Variants in TCOF1 observed in about 807,000 individuals in gnomAD.
TCOF1 encodes the protein treacle protein.
In TCOF1, 33 loss-of-function variants were observed where a neutral mutation model predicts 149.0. The ratio of observed to expected loss-of-function variants is 0.22; its 90% confidence interval spans 0.17 to 0.30. The LOEUF (loss-of-function observed/expected upper bound fraction) is 0.30. TCOF1 is among the 10% of genes least tolerant of loss of function. The probability of loss-of-function intolerance (pLI) is 1.00; values close to 1 mark genes in which losing one functional copy is unlikely to be tolerated. For missense variants in TCOF1, 1,728 were observed against 1,840.7 expected (o/e 0.94, Z 1.12); for synonymous variants, 789 against 738.8 (o/e 1.07, Z -1.10).
chr5:150,367,797 T>A, intron 3 of TCOF1, 47 bp from the exon 4 acceptor site: 2 of 1,607,104 alleles, frequency 1.2e-6, no homozygotes, highest in Non-Finnish European at 1.7e-6. Context: ...CATTCATAGA[T>A]GAGAAAAGCT....
intron 17 of TCOF1, chr5:150,384,479 T>C: frequency 1.0e-6 from 1 of 985,458 alleles, no homozygotes; most frequent in Non-Finnish European, 1.2e-6. Context: ...GACACTCTCC[T>C]CTCCTGGGCT....
Position 150,369,558 on chromosome 5 carries a change from T to G in TCOF1, c.595T>G (p.Ser199Ala). Residue 199 changes from serine (S) to alanine (A), a missense_variant, in exon 6 of 27, where the codon TCC (serine) becomes GCC (alanine). By Grantham distance (99) the Ser-to-Ala change is moderately conservative. Around this residue, in one of 2 missense-constraint regions of TCOF1, gnomAD observed 1,696 missense variants for 1,765.4 expected, o/e 0.96. Transcript: ENST00000643257. Reference protein sequence around the residue: ...GMVSAGQADSSSEDTSSSSDE... With the variant: ...GMVSAGQADSASEDTSSSSDE... Reference sequence around the variant, plus strand: ...GGTGTCAGCGGGCCAGGCCGACAGCTCCAGCGAGGACACCTCCAGCTCCAG... The same window carrying G: ...GGTGTCAGCGGGCCAGGCCGACAGCGCCAGCGAGGACACCTCCAGCTCCAG... 1 of 1,614,056 alleles carries G rather than the reference T, an allele frequency of 6.2e-7. No homozygotes were observed. The highest frequency in any genetic ancestry group is 8.5e-7 in the Non-Finnish European group (1 of 1,179,998).
At chr5:150,369,968 G>A (rs1402219865) in intron 6 of TCOF1, among the ~76,000 whole-genome samples, 1 of 152,192 alleles carries the variant, frequency 6.6e-6, no homozygotes, top group African/African-American at 2.4e-5. Context: ...GGGCCCAGAG[G>A]CAACAGTGTG....
chr5:150,362,009 G>C (rs767533753), intron 2 of TCOF1, among the ~76,000 whole-genome samples: 1 of 152,190 alleles, frequency 6.6e-6, no homozygotes, highest in Non-Finnish European at 1.5e-5. Flanking sequence ...GGTCACCATC[G>C]TCCAGGCAAG....
At position 150,396,268 on chromosome 5, in the gene TCOF1, TTC is replaced by T; in HGVS notation, c.3785-7_3785-6del. ...ACTCTCCCAGATCTGTGACCCCACATTCTCTCTCCATAGGTGGAAAAGAGGCT... is the reference window on the plus strand; with the variant it reads ...ACTCTCCCAGATCTGTGACCCCACATTCTCTCCATAGGTGGAAAAGAGGCT... On this transcript the variant is annotated splice_polypyrimidine_tract_variant and intron_variant, in intron 23 of 26. Transcript: ENST00000643257. 1.2e-6 allele frequency: 2 copies of T among 1,613,998 alleles called. No individual in the cohort carries two copies. The highest frequency in any genetic ancestry group is 1.7e-6 in the Non-Finnish European group (2 of 1,179,990).
At chr5:150,372,530 A>G (rs1272076487) in intron 7 of TCOF1, among the ~76,000 whole-genome samples, 1 of 152,242 alleles carries the variant, frequency 6.6e-6, no homozygotes, top group African/African-American at 2.4e-5. Flanking sequence ...TTCTCAGGAC[A>G]AACCAGACCC....
intron 6 of TCOF1, 150 bp from the exon 7 acceptor site, chr5:150,371,856 G>T: frequency 1.4e-6 from 1 of 733,496 alleles, no homozygotes; most frequent in Non-Finnish European, 2.4e-6. Context: ...TCTGGAAAAT[G>T]GATCTAAAGC....
chr5:150,375,491 C>G lies in TCOF1; in HGVS notation c.1641C>G (p.Ser547Arg). 4 of 1,614,156 alleles carry G rather than the reference C, an allele frequency of 2.5e-6. No individual in the cohort carries two copies. Among genetic ancestry groups the G allele is most frequent in the Non-Finnish European group, 3.4e-6 (4 of 1,180,006 alleles). ...GGAAGTGGGAGGAGGACTCAGAGAG[C>G]AGTAGTGAGGAGTCATCAGACAGCA... ...QVGKWEEDSE[S>R]SSEESSDSSD... Residue 547 changes from serine (S) to arginine (R), a missense_variant, in exon 11 of 27, where the codon AGC (serine) becomes AGG (arginine). By Grantham distance (110) the Ser-to-Arg change is moderately radical (BLOSUM62 -1). Coordinates refer to ENST00000643257, the MANE Select transcript of TCOF1 (RefSeq NM_001371623.1).
intron 17 of TCOF1, chr5:150,383,121 G>A (rs151344575): frequency 6.5e-7 from 1 of 1,536,078 alleles, no homozygotes; most frequent in Non-Finnish European, 8.7e-7. Flanking sequence ...CCCCAGAGAG[G>A]AACACGGAGG....
chr5:150,364,984 AGGT>A (rs1219435755), intron 3 of TCOF1: 1 of 152,322 alleles, frequency 6.6e-6, no homozygotes, highest in Non-Finnish European at 1.5e-5. Flanking sequence ...CCTCTTGAGT[AGGT>A]GGAATTCCAT....
Position 150,391,962 on chromosome 5 carries a change from C to G in TCOF1, c.3303C>G (p.Asp1101Glu). The G allele has an allele frequency of 6.2e-7, 1 of 1,614,154 alleles. No homozygotes were observed. Among genetic ancestry groups the G allele is most frequent in the South Asian group, 1.1e-5 (1 of 91,076 alleles). ...VARTQPSSGV[D>E]SAVGTLPATS... ...TTCTCCTTTCACCGAATTAGGTTGA[C>G]AGTGCTGTGGGAACACTCCCTGCAA... is the stretch of plus-strand genomic sequence containing the variant. The change falls in exon 21 of 27, where the codon GAC becomes GAG. Residue 1101 changes from aspartate to glutamate, a missense_variant. Asp to Glu is a conservative substitution (Grantham distance 45). Coordinates refer to ENST00000643257, the MANE Select transcript of TCOF1 (RefSeq NM_001371623.1).
intron 17 of TCOF1, among the ~76,000 whole-genome samples, chr5:150,382,319 A>G (rs1765397457): frequency 6.6e-6 from 1 of 152,238 alleles, no homozygotes; most frequent in Non-Finnish European, 1.5e-5. Flanking sequence ...GCCACTGAAC[A>G]GAGTGAGGGT....
chr5:150,391,732 A>G, intron 20 of TCOF1, 75 bp downstream of exon 20: 3 of 1,396,000 alleles, frequency 2.1e-6, no homozygotes, highest in Non-Finnish European at 3.0e-6. Flanking sequence ...TCGCGGCACC[A>G]GCACTCATCT....
intron 1 of TCOF1, among the ~76,000 whole-genome samples, chr5:150,358,357 G>A (rs865971845): frequency 6.6e-6 from 1 of 152,096 alleles, no homozygotes; most frequent in Non-Finnish European, 1.5e-5. Context: ...TTTGGTACTC[G>A]AACTCGTGGT....
In TCOF1 at chr5:150,393,410, AGCCAATTCCCAG is replaced by A. The variant is rs1195467444; in HGVS notation, c.3646_3657del (p.Asn1216_Ala1219del). 6.2e-7 allele frequency: 1 copy of A among 1,613,994 alleles called. No individual in the cohort carries two copies. The highest frequency in any genetic ancestry group is 2.2e-5 in the East Asian group (1 of 44,886). On this transcript the variant is annotated inframe_deletion, in exon 23 of 27. Coordinates refer to ENST00000643257, the MANE Select transcript of TCOF1 (RefSeq NM_001371623.1). The stretch of plus-strand genomic sequence containing the variant: ...GTTATATGACCCCTGGACTAACCCC[AGCCAATTCCCAG>A]GCCTCAAAAGCCACTCCCAAGCTAG...
chr5:150,386,169 A>C (rs1766251411), intron 17 of TCOF1, among the ~76,000 whole-genome samples: 1 of 151,512 alleles, frequency 6.6e-6, no homozygotes, highest in Non-Finnish European at 1.5e-5. Flanking sequence ...CCCCTGCACC[A>C]CCTCCCTCCT....
chr5:150,376,047 G>A (rs775522666), intron 12 of TCOF1, 35 bp from the exon 13 acceptor site: 2 of 1,613,362 alleles, frequency 1.2e-6, no homozygotes, highest in Non-Finnish European at 1.7e-6. Flanking sequence ...CTGAGTTCAG[G>A]AACCTTCTCC....
chr5:150,372,971 ATTG>A (rs887920036), intron 7 of TCOF1, among the ~76,000 whole-genome samples: 9 of 152,114 alleles, frequency 5.9e-5, no homozygotes, highest in African/African-American at 1.7e-4. Flanking sequence ...ATTGTGACAA[ATTG>A]TTGTTCCCAC....
At chr5:150,382,312 A>G (rs1022356599) in intron 17 of TCOF1, among the ~76,000 whole-genome samples, 18 of 152,342 alleles carry the variant, frequency 1.2e-4, no homozygotes, top group South Asian at 6.2e-4. Context: ...GGTAGGGGCC[A>G]CTGAACAGAG....
Sources: gnomAD v4.1 joint callset for allele counts (sites outside exome capture counted in the v4.1 genomes callset) on GRCh38, gnomAD v4.1.1 for gene constraint, gnomAD v4.1.1 regional missense constraint, MANE v1.5 for transcripts, NCBI Gene and HGNC (gene_info 2026-07-23, HGNC 2026-07-21) for gene names.